MYT1: variants seen among roughly 807,000 people sequenced by gnomAD.
MYT1 encodes the protein myelin transcription factor 1, also known as myelin transcription factor I.
In MYT1, 23 loss-of-function variants were observed where a neutral mutation model predicts 123.0. The ratio of observed to expected loss-of-function variants is 0.19; its 90% CI spans 0.13 to 0.26. The LOEUF (loss-of-function observed/expected upper bound fraction) is 0.26. MYT1 is among the 10% of genes least tolerant of loss of function. The pLI is 1.00. For synonymous variants in MYT1, 518 were observed against 575.3 expected, an observed-to-expected ratio of 0.90 and a Z score of 1.43; for missense variants, 1,125 against 1,472.5, an observed-to-expected ratio of 0.76 and a Z score of 3.86.
rs1424502129 is a variant in MYT1, at chr20:64,241,704, C to G, written c.*1256C>G. On this transcript the variant is annotated 3_prime_UTR_variant, in exon 23 of 23. Coordinates refer to ENST00000328439, the MANE Select transcript of MYT1 (RefSeq NM_004535.3). This position sits in a 1 kb window ranked among gnomAD's most constrained non-coding sequence, Gnocchi z 4.2. ...AGAGGGGAAAAAAGTGAATTCAAAG[C>G]AAAAATAACTATTTGACTATAATAT... 6.6e-6 allele frequency: 1 copy of G among 152,518 alleles called. No individual in the cohort carries two copies. Among genetic ancestry groups the G allele is most frequent in the Admixed American group, 6.5e-5 (1 of 15,274 alleles). The allele number at this position is 152,518 out of a possible 1,614,324, so 9.4% of individuals were successfully genotyped here. A position where few individuals can be genotyped will look rare whatever the true frequency, so the allele number is the denominator to read the frequency against.
intron 18 of MYT1, among the ~76,000 whole-genome samples, chr20:64,228,769 C>T (rs1437076094): frequency 1.3e-5 from 2 of 152,304 alleles, no homozygotes; most frequent in Admixed American, 6.5e-5. Context: ...TGCCCAGGAC[C>T]GAGGTACTTT....
chr20:64,206,564 C>G (rs925401990), intron 6 of MYT1, among the ~76,000 whole-genome samples: 2 of 152,174 alleles, frequency 1.3e-5, no homozygotes, highest in Admixed American at 6.5e-5. Flanking sequence ...ACCACTCACC[C>G]AGCACTCCCC....
At chr20:64,165,903 G>A (rs1982065358) in intron 1 of MYT1, among the ~76,000 whole-genome samples, 1 of 152,178 alleles carries the variant, frequency 6.6e-6, no homozygotes, top group South Asian at 2.1e-4. Flanking sequence ...CAAAAGGTGG[G>A]AGGGATGTGG....
intron 2 of MYT1, among the ~76,000 whole-genome samples, chr20:64,194,860 G>T (rs527727285): frequency 2.0e-5 from 3 of 152,248 alleles, no homozygotes; most frequent in Admixed American, 6.5e-5. Flanking sequence ...GGTTAGACAC[G>T]AGTGGTTTGT....
At chr20:64,207,260 A>T (rs1253228859) in intron 6 of MYT1, among the ~76,000 whole-genome samples, 3 of 152,228 alleles carry the variant, frequency 2.0e-5, no homozygotes, top group East Asian at 3.8e-4. Context: ...GCTCCATTGT[A>T]TACAATGCAG....
chr20:64,185,476 A>T lies in MYT1; in HGVS notation c.-98-4587A>T, dbSNP rs1018396063. ...GCAAAACCTAGTGAAGACTGAAAACATGTGGCTTTCCACACTTACCACCTG... is the reference window on the plus strand; with the variant it reads ...GCAAAACCTAGTGAAGACTGAAAACTTGTGGCTTTCCACACTTACCACCTG... On this transcript the variant is annotated intron_variant, in intron 1 of 22. Transcript: ENST00000328439. The surrounding 1 kb of genome is among the most constrained non-coding windows in gnomAD (Gnocchi z 4.5). 6.6e-6 allele frequency among the ~76,000 whole-genome samples: 1 copy of T among 152,170 alleles called. No homozygotes were observed. Among genetic ancestry groups the T allele is most frequent in the African/African-American group, 2.4e-5 (1 of 41,432 alleles).
chr20:64,215,586 A>G (rs1045324850), intron 10 of MYT1, among the ~76,000 whole-genome samples: 1 of 151,796 alleles, frequency 6.6e-6, no homozygotes, highest in African/African-American at 2.4e-5. Context: ...GCTTATTATT[A>G]TTATTATTAT....
intron 1 of MYT1, among the ~76,000 whole-genome samples, chr20:64,176,570 G>T (rs1982461414): frequency 6.6e-6 from 1 of 152,260 alleles, no homozygotes; most frequent in Non-Finnish European, 1.5e-5. Flanking sequence ...TCCTTGTCCT[G>T]GGTGTGGGGC....
chr20:64,180,121 C>A (rs1321234338), intron 1 of MYT1, among the ~76,000 whole-genome samples: 1 of 151,588 alleles, frequency 6.6e-6, no homozygotes, highest in Non-Finnish European at 1.5e-5. Context: ...ACGCTACACA[C>A]AGTTATACAT....
chr20:64,211,325 A>C lies in MYT1; in HGVS notation c.1411A>C (p.Arg471=), dbSNP rs1348454875. Residue 471 remains arginine, a synonymous_variant, in exon 8 of 23, where the codon AGG becomes CGG. Transcript: ENST00000328439. ...CCTTTCTGGCTGTCCCCACAAGGAT[A>C]GGATCCCCCCAGAGAGTGAGTAGCT... ...RSLSGCPHKD[R]IPPEILAMHE... 1.9e-6 allele frequency: 3 copies of C among 1,613,378 alleles called. No homozygotes were observed. The African/African-American group carries it at 4.0e-5, about 22-fold the overall frequency.
In MYT1 at chr20:64,193,659, T is replaced by A. The variant is rs949518113; in HGVS notation, c.-1+3499T>A. 6.6e-6 allele frequency among the ~76,000 whole-genome samples: 1 copy of A among 151,950 alleles called. No homozygotes were observed. Among genetic ancestry groups the A allele is most frequent in the African/African-American group, 2.4e-5 (1 of 41,340 alleles). ...AGGGGACAGCCAGTTTCTGGCCACC[T>A]CCTCACCCCCCACTCTTCACTGGCC... On this transcript the variant is annotated intron_variant, in intron 2 of 22. Coordinates refer to ENST00000328439, the MANE Select transcript of MYT1 (RefSeq NM_004535.3). This position sits in a 1 kb window ranked among gnomAD's most constrained non-coding sequence, Gnocchi z 4.0.
At chr20:64,240,247 G>A in intron 22 of MYT1, 73 bp from the exon 23 acceptor site, 1 of 1,569,996 alleles carries the variant, frequency 6.4e-7, no homozygotes, top group African/African-American at 1.3e-5. Flanking sequence ...TAGGTTTGAT[G>A]CTCCCACATC....
In MYT1 at chr20:64,215,360, G is replaced by A. The variant is rs1983805219; in HGVS notation, c.1632-1707G>A. Reference sequence around the variant, plus strand: ...TGACACTCTGCCGCCCTCAGCCCATGGTGAATACTCACTGAACGCTAGAGA... The same window carrying A: ...TGACACTCTGCCGCCCTCAGCCCATAGTGAATACTCACTGAACGCTAGAGA... On this transcript the variant is annotated intron_variant, in intron 10 of 22. Transcript: ENST00000328439. 2.0e-5 allele frequency among the ~76,000 whole-genome samples: 3 copies of A among 152,176 alleles called. No homozygotes were observed. In the South Asian group the frequency reaches 6.2e-4, roughly 32 times the overall value.
At chr20:64,179,919 G>C (rs1982589614) in intron 1 of MYT1, among the ~76,000 whole-genome samples, 1 of 139,350 alleles carries the variant, frequency 7.2e-6, no homozygotes. Context: ...GCTCTATACA[G>C]TTATACACAC....
Position 64,226,403 on chromosome 20 carries a change from G to A in MYT1, c.2529-1012G>A, listed in dbSNP as rs185113546. 2.0e-3 allele frequency among the ~76,000 whole-genome samples: 304 copies of A among 152,340 alleles called. 1 individual carries two copies. Among genetic ancestry groups the A allele is most frequent in the African/African-American group, 6.9e-3 (287 of 41,578 alleles). On this transcript the variant is annotated intron_variant, in intron 16 of 22. Coordinates refer to ENST00000328439, the MANE Select transcript of MYT1 (RefSeq NM_004535.3). ...GTGGCCGGATGTCACATGTGCTGGTGGAAGACTCCGGTGAGGAAGGGCCAG... is the reference window on the plus strand; with the variant it reads ...GTGGCCGGATGTCACATGTGCTGGTAGAAGACTCCGGTGAGGAAGGGCCAG...
chr20:64,194,353 C>T (rs1160474159), intron 2 of MYT1, among the ~76,000 whole-genome samples: 1 of 152,240 alleles, frequency 6.6e-6, no homozygotes, highest in Non-Finnish European at 1.5e-5. Flanking sequence ...TTCACCCTCC[C>T]CATCCCTACC....
rs552346247 is a variant in MYT1 at position 64,231,748 on chromosome 20, G to C, written c.2676-416G>C. Among the ~76,000 whole-genome samples, 9 of 152,090 alleles carry C rather than the reference G, an allele frequency of 5.9e-5. No individual in the cohort carries two copies. Among genetic ancestry groups the C allele is most frequent in the Non-Finnish European group, 1.3e-4 (9 of 68,006 alleles). On this transcript the variant is annotated intron_variant, in intron 18 of 22. Transcript: ENST00000328439. The surrounding 1 kb of genome is among the most constrained non-coding windows in gnomAD (Gnocchi z 6.4). ...TCCATAGGCCCCCAGGCCTATGCTT[G>C]ATGCAAGCTCCCAGGGAGTGGCCTC... is the stretch of plus-strand genomic sequence containing the variant.
At chr20:64,235,277 G>A (rs1420089144) in intron 19 of MYT1, among the ~76,000 whole-genome samples, 5 of 61,050 alleles carry the variant, frequency 8.2e-5, no homozygotes, top group South Asian at 7.3e-4. Context: ...TGTGTGACCC[G>A]GGGCTGGCCA....
chr20:64,198,545 G>T (rs1012755181), intron 2 of MYT1, among the ~76,000 whole-genome samples: 1 of 152,162 alleles, frequency 6.6e-6, no homozygotes, highest in African/African-American at 2.4e-5. Context: ...CTTCAGTGGC[G>T]CAGGGCCCAT....
Sources: allele counts gnomAD v4.1 joint callset (sites outside exome capture counted in the v4.1 genomes callset), GRCh38; gene constraint gnomAD v4.1.1; non-coding constraint Gnocchi (gnomAD v3.1); transcripts MANE v1.5; gene names NCBI Gene and HGNC (gene_info 2026-07-23, HGNC 2026-07-21).